Variants in PFN2 observed in about 807,000 individuals in gnomAD.
The protein encoded by PFN2 is profilin-2.
In PFN2, 8 loss-of-function variants were observed where a neutral mutation model predicts 15.3. That is an observed-to-expected ratio of 0.52 (90% CI 0.31 to 0.95). PFN2 has a LOEUF of 0.95. PFN2 is among the 40% of genes least tolerant of loss of function. PFN2 has a pLI of 0.05. For synonymous variants in PFN2, 79 were observed against 67.9 expected (o/e 1.16, Z -0.81); for missense variants, 111 against 182.3 (o/e 0.61, Z 2.25).
intron 1 of PFN2, among the ~76,000 whole-genome samples, chr3:149,970,190 G>GGGGGC (rs1185444033): frequency 6.6e-6 from 1 of 152,082 alleles, no homozygotes; most frequent in African/African-American, 2.4e-5. Flanking sequence ...CGAGAATCCC[G>GGGGGC]GGGGCCGGGC....
chr3:149,967,990 TC>T, intron 2 of PFN2: 1 of 168,312 alleles, frequency 5.9e-6, no homozygotes, highest in Non-Finnish European at 1.3e-5. Context: ...AGAAAAGAGA[TC>T]CAAAGGTCAA....
At position 149,965,084 on chromosome 3, in the gene PFN2, G is replaced by A; in HGVS notation, c.*1405C>T. 1 of 642,728 alleles carries A rather than the reference G, an allele frequency of 1.6e-6. No homozygotes were observed. The highest frequency in any genetic ancestry group is 2.6e-6 in the Non-Finnish European group (1 of 392,012). The allele number at this position is 642,728 out of a possible 1,614,324, so 39.8% of individuals were successfully genotyped here. A position where few individuals can be genotyped will look rare whatever the true frequency, so the allele number is the denominator to read the frequency against. ...TTTTAAATCTGTACATTATCCACAA[G>A]GCCCAAACAATAGAAGCAAATACTA... On this transcript the variant is annotated 3_prime_UTR_variant, in exon 3 of 3. Coordinates refer to ENST00000239940, the MANE Select transcript of PFN2 (RefSeq NM_053024.4).
rs1167775790 is a variant in PFN2, at chr3:149,965,964, CATT to C, written c.*522_*524del. On this transcript the variant is annotated 3_prime_UTR_variant, in exon 3 of 3. Coordinates refer to ENST00000239940, the MANE Select transcript of PFN2 (RefSeq NM_053024.4). The stretch of plus-strand genomic sequence containing the variant: ...CCCAATTTCAAGGTATCATGCAAAT[CATT>C]ATTGTGCTGCAATTATGTTGCCAGA... The C allele has an allele frequency of 7.3e-7, 1 of 1,367,480 alleles. No individual in the cohort carries two copies. The highest frequency in any genetic ancestry group is 9.4e-7 in the Non-Finnish European group (1 of 1,064,556). 84.7% of individuals were successfully genotyped at this position (1,367,480 alleles called of 1,614,324 possible). A position where few individuals can be genotyped will look rare whatever the true frequency, so the allele number is the denominator to read the frequency against.
rs566695281 is a variant in PFN2, at chr3:149,966,149, T to C, written c.*340A>G. The C allele has an allele frequency of 1.7e-5, 28 of 1,610,274 alleles. No individual in the cohort carries two copies. Among genetic ancestry groups the C allele is most frequent in the African/African-American group, 1.2e-4 (9 of 74,906 alleles). On this transcript the variant is annotated 3_prime_UTR_variant, in exon 3 of 3. Coordinates refer to ENST00000239940, the MANE Select transcript of PFN2 (RefSeq NM_053024.4). ...GTTGTTGATGAAGACAGTTGCTAGG[T>C]AGATGGGGAGAGGCTGCTTACACAT...
Position 149,965,916 on chromosome 3 carries a change from C to A in PFN2, c.*573G>T. 2 of 1,303,214 alleles carry A rather than the reference C, an allele frequency of 1.5e-6. No homozygotes were observed. Among genetic ancestry groups the A allele is most frequent in the Non-Finnish European group, 1.9e-6 (2 of 1,027,896 alleles). 80.7% of individuals were successfully genotyped at this position (1,303,214 alleles called of 1,614,324 possible). ...CATTAATTGCTAAGACAAAGTGATG[C>A]CCAACTTGGCATGCCCCCTCCCCCC... On this transcript the variant is annotated 3_prime_UTR_variant, in exon 3 of 3. Coordinates refer to ENST00000239940, the MANE Select transcript of PFN2 (RefSeq NM_053024.4).
chr3:149,965,935 TC>T lies in PFN2; in HGVS notation c.*553del, dbSNP rs1722678308. 1.5e-6 allele frequency: 2 copies of T among 1,320,808 alleles called. No homozygotes were observed. Among genetic ancestry groups the T allele is most frequent in the South Asian group, 2.1e-5 (1 of 47,192 alleles). The allele number at this position is 1,320,808 out of a possible 1,614,324, so 81.8% of individuals were successfully genotyped here. A position where few individuals can be genotyped will look rare whatever the true frequency, so the allele number is the denominator to read the frequency against. On this transcript the variant is annotated 3_prime_UTR_variant, in exon 3 of 3. Coordinates refer to ENST00000239940, the MANE Select transcript of PFN2 (RefSeq NM_053024.4). The stretch of plus-strand genomic sequence containing the variant: ...GTGATGCCCAACTTGGCATGCCCCC[TC>T]CCCCCAATTTCAAGGTATCATGCAA...
At position 149,966,314 on chromosome 3, in the gene PFN2, G is replaced by A; in HGVS notation, c.*175C>T. The A allele has an allele frequency of 6.2e-7, 1 of 1,605,350 alleles. No homozygotes were observed. The highest frequency in any genetic ancestry group is 8.5e-7 in the Non-Finnish European group (1 of 1,176,200). On this transcript the variant is annotated 3_prime_UTR_variant, in exon 3 of 3. Coordinates refer to ENST00000239940, the MANE Select transcript of PFN2 (RefSeq NM_053024.4). Reference sequence around the variant, plus strand: ...AAAAGTGAACAGAATTATTTTGGGGGGGGAGGGCAGAAAGAAAGACACCTT... The same window carrying A: ...AAAAGTGAACAGAATTATTTTGGGGAGGGAGGGCAGAAAGAAAGACACCTT...
chr3:149,970,778 C>A lies in PFN2; in HGVS notation c.79G>T (p.Asp27Tyr), dbSNP rs1334580542. The change falls in exon 1 of 3, where the codon GAC (aspartate) becomes TAC (tyrosine). Residue 27 changes from aspartate (D) to tyrosine (Y), a missense_variant. Asp to Tyr is a radical substitution (Grantham distance 160). Transcript: ENST00000239940. The part of the protein sequence containing the change: ...CQEAAIVGYC[D>Y]AKYVWAATAG... ...GTGGCTGCCCAGACGTATTTGGCGT[C>A]GCAGTAGCCGACAATGGCGGCCTCC... 2 of 1,516,704 alleles carry A rather than the reference C, an allele frequency of 1.3e-6. No individual in the cohort carries two copies. Among genetic ancestry groups the A allele is most frequent in the Non-Finnish European group, 1.8e-6 (2 of 1,129,190 alleles). The allele number at this position is 1,516,704 out of a possible 1,614,324, so 94.0% of individuals were successfully genotyped here.
chr3:149,967,143 A>AACTTC (rs1268027938), intron 2 of PFN2, among the ~76,000 whole-genome samples: 1 of 152,224 alleles, frequency 6.6e-6, no homozygotes, highest in Non-Finnish European at 1.5e-5. Flanking sequence ...GCTTACTGAT[A>AACTTC]ACTTCACCGT....
chr3:149,969,982 T>C lies in PFN2; in HGVS notation c.132+743A>G, dbSNP rs183951920. Among the ~76,000 whole-genome samples, 680 of 151,090 alleles carry C rather than the reference T, an allele frequency of 4.5e-3. 5 individuals carry two copies. The highest frequency in any genetic ancestry group is 0.016 in the African/African-American group (646 of 41,020). On this transcript the variant is annotated intron_variant, in intron 1 of 2. Transcript: ENST00000239940. ...TTGAGCTATGTTGCATAACTGGGGATAACCGTATATCGATGAATCTCCATA... is the reference window on the plus strand; with the variant it reads ...TTGAGCTATGTTGCATAACTGGGGACAACCGTATATCGATGAATCTCCATA...
chr3:149,967,277 C>A (rs1283954844), intron 2 of PFN2, among the ~76,000 whole-genome samples: 1 of 152,128 alleles, frequency 6.6e-6, no homozygotes, highest in African/African-American at 2.4e-5. Flanking sequence ...TATTCACTAC[C>A]ACTAGATGTC....
chr3:149,967,302 G>A (rs193245917), intron 2 of PFN2, among the ~76,000 whole-genome samples: 3 of 152,220 alleles, frequency 2.0e-5, no homozygotes, highest in African/African-American at 7.2e-5. Flanking sequence ...GTGCTGTATC[G>A]TATAAAATAT....
Position 149,965,116 on chromosome 3 carries a change from C to A in PFN2, c.*1373G>T. On this transcript the variant is annotated 3_prime_UTR_variant, in exon 3 of 3. Coordinates refer to ENST00000239940, the MANE Select transcript of PFN2 (RefSeq NM_053024.4). Reference sequence around the variant, plus strand: ...ACAATAGAAGCAAATACTAGAATGTCCCTAAAGTAGTGCCATTCGAAAGAA... The same window carrying A: ...ACAATAGAAGCAAATACTAGAATGTACCTAAAGTAGTGCCATTCGAAAGAA... 1 of 826,298 alleles carries A rather than the reference C, an allele frequency of 1.2e-6. No individual in the cohort carries two copies. Among genetic ancestry groups the A allele is most frequent in the South Asian group, 1.9e-5 (1 of 52,998 alleles). The allele number at this position is 826,298 out of a possible 1,614,324, so 51.2% of individuals were successfully genotyped here. A position where few individuals can be genotyped will look rare whatever the true frequency, so the allele number is the denominator to read the frequency against.
At position 149,965,842 on chromosome 3, in the gene PFN2, T is replaced by C; in HGVS notation, c.*647A>G. 8.8e-7 allele frequency: 1 copy of C among 1,136,576 alleles called. No individual in the cohort carries two copies. The allele number at this position is 1,136,576 out of a possible 1,614,324, so 70.4% of individuals were successfully genotyped here. A position where few individuals can be genotyped will look rare whatever the true frequency, so the allele number is the denominator to read the frequency against. On this transcript the variant is annotated 3_prime_UTR_variant, in exon 3 of 3. Coordinates refer to ENST00000239940, the MANE Select transcript of PFN2 (RefSeq NM_053024.4). ...CTGAAAAGACACTGATCAGAGATTG[T>C]ACAACCGGCACCTTGCTTAATATTA...
At chr3:149,969,369 C>T (rs1722779450) in intron 1 of PFN2, among the ~76,000 whole-genome samples, 1 of 152,166 alleles carries the variant, frequency 6.6e-6, no homozygotes, top group African/African-American at 2.4e-5. Context: ...GCGTCGCCCC[C>T]ATCAGAACTG....
In PFN2 at chr3:149,966,536, T is replaced by G; in HGVS notation, c.376A>C (p.Lys126Gln). 1 of 1,613,406 alleles carries G rather than the reference T, an allele frequency of 6.2e-7. No individual in the cohort carries two copies. Among genetic ancestry groups the G allele is most frequent in the Non-Finnish European group, 8.5e-7 (1 of 1,179,394 alleles). Residue 126 changes from lysine to glutamine, a missense_variant, in exon 3 of 3, where the codon AAG (lysine) becomes CAG (glutamine). By Grantham distance (53) the Lys-to-Gln change is moderately conservative. Around this residue, in one of 2 missense-constraint regions of PFN2, gnomAD observed 47 missense variants for 112.7 expected, o/e 0.42. Coordinates refer to ENST00000239940, the MANE Select transcript of PFN2 (RefSeq NM_053024.4). ...KEGVHGGGLN[K>Q]KAYSMAKYLR... ...TATTTTGCCATTGAGTATGCCTTCT[T>G]ATTCAATCCGCCTCCATGGACCCCT...
At chr3:149,967,057 G>A (rs945893622) in intron 2 of PFN2, among the ~76,000 whole-genome samples, 2 of 152,006 alleles carry the variant, frequency 1.3e-5, no homozygotes, top group African/African-American at 2.4e-5. Flanking sequence ...ATTTCCAGAG[G>A]AAAATGAAGA....
In PFN2 at chr3:149,970,818, G is replaced by A. The variant is rs1165633708; in HGVS notation, c.39C>T (p.Cys13=). The change falls in exon 1 of 3, where the codon TGC becomes TGT. Residue 13 remains cysteine (C), a synonymous_variant. Transcript: ENST00000239940. ...TGGCGGCCTCCTGGCAGCAGCCATC[G>A]CACATCAGGTTATCCACGTAGCTCT... ...GWQSYVDNLM[C]DGCCQEAAIV... 2 of 1,509,420 alleles carry A rather than the reference G, an allele frequency of 1.3e-6. No individual in the cohort carries two copies. Among genetic ancestry groups the A allele is most frequent in the Non-Finnish European group, 1.8e-6 (2 of 1,125,298 alleles). The allele number at this position is 1,509,420 out of a possible 1,614,324, so 93.5% of individuals were successfully genotyped here.
In PFN2 at chr3:149,966,760, A is replaced by G. The variant is rs1176886851; in HGVS notation, c.326-174T>C. Among the ~76,000 whole-genome samples, 5 of 152,210 alleles carry G rather than the reference A, an allele frequency of 3.3e-5. No homozygotes were observed. The East Asian group carries it at 9.6e-4, about 29-fold the overall frequency. Reference sequence around the variant, plus strand: ...AGAACTTTCAAACTAGTAATATACTAAACAGAAAATAGTAAACTTGACTGC... The same window carrying G: ...AGAACTTTCAAACTAGTAATATACTGAACAGAAAATAGTAAACTTGACTGC... On this transcript the variant is annotated intron_variant, in intron 2 of 2. Transcript: ENST00000239940.
Sources: allele counts gnomAD v4.1 joint callset (sites outside exome capture counted in the v4.1 genomes callset), GRCh38; gene constraint gnomAD v4.1.1; regional missense constraint gnomAD v4.1.1; transcripts MANE v1.5; gene names NCBI Gene and HGNC (gene_info 2026-07-23, HGNC 2026-07-21).